Variants in KIF18B observed in about 807,000 individuals in gnomAD.
The protein encoded by KIF18B is kinesin family member 18B.
Under a neutral mutation model 80.9 loss-of-function variants are expected in KIF18B, and 49 were observed. That is an observed-to-expected ratio of 0.61 (90% CI 0.48 to 0.77). The LOEUF is 0.77. Ranked by LOEUF, KIF18B falls within the 30% of genes least tolerant of loss-of-function variation. KIF18B has a pLI of 0.00. For synonymous variants in KIF18B, 439 were observed against 463.9 expected (o/e 0.95, Z 0.69); for missense variants, 994 against 1,127.7 (o/e 0.88, Z 1.70).
At chr17:44,945,286 C>G (rs941268289) in intron 1 of KIF18B, among the ~76,000 whole-genome samples, 2 of 152,218 alleles carry the variant, frequency 1.3e-5, no homozygotes, top group African/African-American at 4.8e-5. Flanking sequence ...GTCTTGAACT[C>G]CTGGGCTCAA....
rs1396182531 is a variant in KIF18B, at chr17:44,934,219, C to T, written c.885+14G>A. On this transcript the variant is annotated intron_variant, in intron 6 of 15. Transcript: ENST00000593135. The surrounding 1 kb of genome is among the most constrained non-coding windows in gnomAD (Gnocchi z 5.4). ...TTGCTATCCTGGGGAGAATACTGGC[C>T]TGTGCTGCTTTACCTTTGCATCGGC... 2 of 1,604,776 alleles carry T rather than the reference C, an allele frequency of 1.2e-6. No homozygotes were observed. Among genetic ancestry groups the T allele is most frequent in the Non-Finnish European group, 8.5e-7 (1 of 1,174,998 alleles).
chr17:44,935,523 A>G (rs79680842), intron 2 of KIF18B, 107 bp from the exon 3 acceptor site: 76,799 of 1,191,668 alleles, frequency 0.064, 2,789 homozygotes, highest in Middle Eastern at 0.15. Context: ...TCCCTGGTCC[A>G]TTAATCCCAC....
Position 44,932,992 on chromosome 17 carries a change from A to G in KIF18B, c.1063-6T>C. ...CTGGTCACATTGCTCTTCAGCTGAGATGGGGAACAGGAGAGAGATTTATTT... is the reference window on the plus strand; with the variant it reads ...CTGGTCACATTGCTCTTCAGCTGAGGTGGGGAACAGGAGAGAGATTTATTT... On this transcript the variant is annotated splice_polypyrimidine_tract_variant and splice_region_variant and intron_variant, in intron 7 of 15. Transcript: ENST00000593135. 6.2e-7 allele frequency: 1 copy of G among 1,603,432 alleles called. No homozygotes were observed. Among genetic ancestry groups the G allele is most frequent in the Non-Finnish European group, 8.5e-7 (1 of 1,171,766 alleles).
In KIF18B at chr17:44,947,752, C is replaced by T. The variant is rs1401082904; in HGVS notation, c.-139G>A. ...CCTCCCCTACCCGCGCCAACCTCCA[C>T]CCGGCGCCTTGCGTTCAAATTAGCC... On this transcript the variant is annotated 5_prime_UTR_variant, in exon 1 of 16. It adds an upstream start codon to the 5' untranslated region. Coordinates refer to ENST00000593135, the MANE Select transcript of KIF18B (RefSeq NM_001265577.2). 6.6e-6 allele frequency: 1 copy of T among 152,318 alleles called. No individual in the cohort carries two copies. Among genetic ancestry groups the T allele is most frequent in the Non-Finnish European group, 1.5e-5 (1 of 68,100 alleles). 9.4% of individuals were successfully genotyped at this position (152,318 alleles called of 1,614,324 possible).
rs1453565670 is a variant in KIF18B, at chr17:44,936,166, C to T, written c.179G>A (p.Gly60Asp). 3.7e-6 allele frequency: 6 copies of T among 1,613,236 alleles called. No individual in the cohort carries two copies. The highest frequency in any genetic ancestry group is 5.1e-6 in the Non-Finnish European group (6 of 1,179,646). Reference sequence around the variant, plus strand: ...CAGGTCTTTGCCCTTCTTCTTGGGGCCATCATGGGTGCCACCCCATTTCAG... The same window carrying T: ...CAGGTCTTTGCCCTTCTTCTTGGGGTCATCATGGGTGCCACCCCATTTCAG... Reference protein sequence around the residue: ...PGLKWGGTHDGPKKKGKDLTF... With the variant: ...PGLKWGGTHDDPKKKGKDLTF... The change falls in exon 2 of 16, where the codon GGC (glycine) becomes GAC (aspartate). Residue 60 changes from glycine to aspartate, a missense_variant. Physicochemically the swap from Gly to Asp is moderately conservative, Grantham distance 94. Coordinates refer to ENST00000593135, the MANE Select transcript of KIF18B (RefSeq NM_001265577.2).
chr17:44,933,074 C>G, intron 7 of KIF18B, 88 bp from the exon 8 acceptor site: 1 of 1,228,470 alleles, frequency 8.1e-7, no homozygotes, highest in South Asian at 1.4e-5. Flanking sequence ...TGCACTAGGT[C>G]TCTCCCACGT....
Position 44,924,825 on chromosome 17 carries a change from G to C in KIF18B, c.*1255C>G, listed in dbSNP as rs958385066. On this transcript the variant is annotated 3_prime_UTR_variant, in exon 16 of 16. Coordinates refer to ENST00000593135, the MANE Select transcript of KIF18B (RefSeq NM_001265577.2). ...CAAGTATCATTAGCATTTATATCTAGGTGCAGCATTAAGCCTGAATTCCCC... is the reference window on the plus strand; with the variant it reads ...CAAGTATCATTAGCATTTATATCTACGTGCAGCATTAAGCCTGAATTCCCC... 2.0e-5 allele frequency: 3 copies of C among 151,542 alleles called. No individual in the cohort carries two copies. Among genetic ancestry groups the C allele is most frequent in the Non-Finnish European group, 4.4e-5 (3 of 67,952 alleles). 9.4% of individuals were successfully genotyped at this position (151,542 alleles called of 1,614,324 possible). A position where few individuals can be genotyped will look rare whatever the true frequency, so the allele number is the denominator to read the frequency against.
At position 44,932,686 on chromosome 17, in the gene KIF18B, G is replaced by A; in HGVS notation, c.1225C>T (p.Pro409Ser). ...QDLPGSPKSG[P>S]PPEHQPCTPE... is the part of the protein sequence containing the mutation. ...AGTGGAACTCACTGTTCTGGTGGTGGTCCCGACTTGGGAGATCCTGGGAGG... is the reference window on the plus strand; with the variant it reads ...AGTGGAACTCACTGTTCTGGTGGTGATCCCGACTTGGGAGATCCTGGGAGG... Residue 409 changes from proline (P) to serine (S), a missense_variant, in exon 9 of 16, where the codon CCA becomes TCA. Physicochemically the swap from Pro to Ser is moderately conservative, Grantham distance 74. Coordinates refer to ENST00000593135, the MANE Select transcript of KIF18B (RefSeq NM_001265577.2). The A allele has an allele frequency of 2.5e-6, 4 of 1,609,836 alleles. No homozygotes were observed. The highest frequency in any genetic ancestry group is 2.5e-6 in the Non-Finnish European group (3 of 1,177,672).
At position 44,924,892 on chromosome 17, in the gene KIF18B, T is replaced by C. The variant is rs781218432; in HGVS notation, c.*1188A>G. ...CACTGAACGTGTATCCTATGTACAA[T>C]AGAGTTAAGCAATAAAGCTGTCTTC... On this transcript the variant is annotated 3_prime_UTR_variant, in exon 16 of 16. Coordinates refer to ENST00000593135, the MANE Select transcript of KIF18B (RefSeq NM_001265577.2). 3.9e-5 allele frequency: 6 copies of C among 152,264 alleles called. No homozygotes were observed. Among genetic ancestry groups the C allele is most frequent in the African/African-American group, 7.2e-5 (3 of 41,506 alleles). 9.4% of individuals were successfully genotyped at this position (152,264 alleles called of 1,614,324 possible). A position where few individuals can be genotyped will look rare whatever the true frequency, so the allele number is the denominator to read the frequency against.
rs1236366100 is a variant in KIF18B at position 44,932,220 on chromosome 17, G to A, written c.1239-14C>T. On this transcript the variant is annotated splice_polypyrimidine_tract_variant and intron_variant, in intron 9 of 15. Coordinates refer to ENST00000593135, the MANE Select transcript of KIF18B (RefSeq NM_001265577.2). ...GTGCAGGGCTGGCTGGGAGGGTGGG[G>A]TGGCAAGGGGGAGCTGGGAAGGCTA... The A allele has an allele frequency of 6.4e-7, 1 of 1,573,400 alleles. No homozygotes were observed. The highest frequency in any genetic ancestry group is 8.6e-7 in the Non-Finnish European group (1 of 1,157,418).
chr17:44,927,117 G>C lies in KIF18B; in HGVS notation c.2277-39C>G. The C allele has an allele frequency of 6.6e-7, 1 of 1,510,356 alleles. No individual in the cohort carries two copies. Among genetic ancestry groups the C allele is most frequent in the Non-Finnish European group, 9.0e-7 (1 of 1,109,802 alleles). 93.6% of individuals were successfully genotyped at this position (1,510,356 alleles called of 1,614,324 possible). ...ACAGGGAAGGAGGCTGATCAGCAGGGAACCGGAAGCAAGGCCAGCCACTTC... is the reference window on the plus strand; with the variant it reads ...ACAGGGAAGGAGGCTGATCAGCAGGCAACCGGAAGCAAGGCCAGCCACTTC... On this transcript the variant is annotated intron_variant, in intron 13 of 15. Coordinates refer to ENST00000593135, the MANE Select transcript of KIF18B (RefSeq NM_001265577.2). The surrounding 1 kb of genome is among the most constrained non-coding windows in gnomAD (Gnocchi z 4.1).
chr17:44,935,973 C>G, intron 2 of KIF18B, 59 bp downstream of exon 2: 1 of 1,516,266 alleles, frequency 6.6e-7, no homozygotes, highest in Non-Finnish European at 9.1e-7. Context: ...ACATGAAACC[C>G]TTCCCTTAGG....
chr17:44,931,956 C>T (rs543290840), intron 10 of KIF18B, 100 bp downstream of exon 10: 20 of 1,335,506 alleles, frequency 1.5e-5, no homozygotes, highest in Admixed American at 9.3e-5. Flanking sequence ...CACATAGAGA[C>T]GGGACTAAAG....
chr17:44,940,846 C>T (rs1400022310), intron 1 of KIF18B, among the ~76,000 whole-genome samples: 1 of 152,174 alleles, frequency 6.6e-6, no homozygotes, highest in Admixed American at 6.5e-5. Flanking sequence ...GTCCCCTCAT[C>T]CCTAAACTTC....
rs769562823 is a variant in KIF18B at position 44,926,131 on chromosome 17, G to A, written c.2508C>T (p.Ile836=). 1.2e-6 allele frequency: 2 copies of A among 1,613,870 alleles called. No individual in the cohort carries two copies. The highest frequency in any genetic ancestry group is 2.2e-5 in the South Asian group (2 of 91,060). Residue 836 remains isoleucine, a synonymous_variant, in exon 16 of 16, where the codon ATC becomes ATT. Coordinates refer to ENST00000593135, the MANE Select transcript of KIF18B (RefSeq NM_001265577.2). ...PSNRRNGKDL[I]RVGRALSAGN... ...CTGCTGAGAGTGCTCTCCCCACCCT[G>A]ATGAGGTCCTTTCCATTCCTCCGGT... is the stretch of plus-strand genomic sequence containing the variant.
chr17:44,935,210 T>A (rs1474148986), intron 3 of KIF18B, 49 bp downstream of exon 3: 5 of 1,520,826 alleles, frequency 3.3e-6, no homozygotes, highest in Non-Finnish European at 3.5e-6. Context: ...ATGGGCTCAC[T>A]TCCCCCCGGG....
intron 1 of KIF18B, among the ~76,000 whole-genome samples, chr17:44,941,011 T>C (rs77881444): frequency 0.059 from 9,044 of 152,272 alleles, 906 homozygotes; most frequent in African/African-American, 0.21. Flanking sequence ...AAGCACCTTA[T>C]GCATATCATC....
At position 44,932,743 on chromosome 17, in the gene KIF18B, A is replaced by G. The variant is rs775019909; in HGVS notation, c.1168T>C (p.Tyr390His). The G allele has an allele frequency of 2.5e-6, 4 of 1,613,344 alleles. No individual in the cohort carries two copies. Among genetic ancestry groups the G allele is most frequent in the Non-Finnish European group, 3.4e-6 (4 of 1,179,700 alleles). ...VAALRKKLQV[Y>H]EGGGQPPPQD... ...GGTGGGGGCTGGCCTCCCCCCTCAT[A>G]CACTTGGAGCTTCTTCCTCAGAGCG... The change falls in exon 9 of 16, where the codon TAT becomes CAT. Residue 390 changes from tyrosine to histidine, a missense_variant. Physicochemically the swap from Tyr to His is moderately conservative, Grantham distance 83. Coordinates refer to ENST00000593135, the MANE Select transcript of KIF18B (RefSeq NM_001265577.2).
intron 1 of KIF18B, among the ~76,000 whole-genome samples, chr17:44,944,537 C>G (rs144248816): frequency 6.6e-6 from 1 of 152,132 alleles, no homozygotes; most frequent in Non-Finnish European, 1.5e-5. Flanking sequence ...CGTGAGCCAC[C>G]GCGCTTGGCC....
Sources: allele counts gnomAD v4.1 joint callset (sites outside exome capture counted in the v4.1 genomes callset), GRCh38; gene constraint gnomAD v4.1.1; non-coding constraint Gnocchi (gnomAD v3.1); transcripts MANE v1.5; gene names NCBI Gene and HGNC (gene_info 2026-07-23, HGNC 2026-07-21).